Variants in GPC5 observed in about 807,000 individuals in gnomAD.
The protein encoded by GPC5 is glypican-5.
GPC5 carries 47 observed loss-of-function variants against 53.9 expected under a neutral mutation model. The ratio of observed to expected loss-of-function variants is 0.87; its 90% CI spans 0.69 to 1.11. GPC5 has a LOEUF of 1.11. GPC5 is among the 50% of genes most tolerant of loss of function. The pLI, the probability that GPC5 is intolerant of heterozygous loss-of-function variation, is 0.00. For synonymous variants in GPC5, 286 were observed against 263.3 expected, an observed-to-expected ratio of 1.09 and a Z score of -0.84; for missense variants, 748 against 713.1, an observed-to-expected ratio of 1.05 and a Z score of -0.56.
intron 6 of GPC5, among the ~76,000 whole-genome samples, chr13:91,918,472 C>T (rs1002130754): frequency 6.6e-6 from 1 of 152,134 alleles, no homozygotes; most frequent in Non-Finnish European, 1.5e-5. Context: ...AACTCTGATT[C>T]TGAGGGTTTT....
intron 1 of GPC5, among the ~76,000 whole-genome samples, chr13:91,412,365 C>A (rs1272552545): frequency 6.6e-6 from 1 of 152,220 alleles, no homozygotes; most frequent in African/African-American, 2.4e-5. Flanking sequence ...TTCTTGTTCA[C>A]TGCCTTTCTT....
At chr13:91,787,591 C>T (rs200823243) in intron 5 of GPC5, among the ~76,000 whole-genome samples, 3 of 152,116 alleles carry the variant, frequency 2.0e-5, no homozygotes, top group Admixed American at 6.6e-5. Context: ...TCTCCAACAT[C>T]GCTGATTGGG....
intron 7 of GPC5, among the ~76,000 whole-genome samples, chr13:92,716,969 A>G (rs1688383790): frequency 6.6e-6 from 1 of 152,154 alleles, no homozygotes; most frequent in Non-Finnish European, 1.5e-5. Context: ...AAGTGAGGAT[A>G]CTGAAGTTTG....
intron 7 of GPC5, among the ~76,000 whole-genome samples, chr13:92,501,000 G>A (rs1880162991): frequency 1.3e-5 from 2 of 151,788 alleles, no homozygotes; most frequent in Admixed American, 6.6e-5. Flanking sequence ...CAAAAGTGGA[G>A]ATATTTTTCA....
chr13:92,728,629 T>C (rs1888714039), intron 7 of GPC5, among the ~76,000 whole-genome samples: 1 of 151,410 alleles, frequency 6.6e-6, no homozygotes, highest in African/African-American at 2.4e-5. Context: ...ACAGCACTGA[T>C]TGTTATTATT....
At chr13:91,656,194 A>G (rs2034841324) in intron 2 of GPC5, among the ~76,000 whole-genome samples, 1 of 152,192 alleles carries the variant, frequency 6.6e-6, no homozygotes, top group South Asian at 2.1e-4. Flanking sequence ...TAATTAAGGC[A>G]CTTACATTGA....
At chr13:91,580,222 T>C (rs2032308648) in intron 2 of GPC5, among the ~76,000 whole-genome samples, 1 of 152,036 alleles carries the variant, frequency 6.6e-6, no homozygotes, top group Admixed American at 6.5e-5. Context: ...GGCTATTTCT[T>C]TGTATTTTGA....
intron 1 of GPC5, among the ~76,000 whole-genome samples, chr13:91,406,989 T>C (rs1331598875): frequency 5.9e-5 from 9 of 152,248 alleles, no homozygotes; most frequent in African/African-American, 1.9e-4. Context: ...TTCTTTTTAC[T>C]AGACTATAGG....
intron 2 of GPC5, among the ~76,000 whole-genome samples, chr13:91,484,010 G>C (rs1463485689): frequency 6.6e-6 from 1 of 152,106 alleles, no homozygotes; most frequent in Non-Finnish European, 1.5e-5. Flanking sequence ...AGCCAGAATT[G>C]TACAAGCTAT....
rs547545652 is a variant in GPC5 at position 92,032,447 on chromosome 13, A to T, written c.1402-112383A>T. ...CCCAAACCTATGGAAATAAAAATTTAAAAAAAAAAAACAGAAACAAAAACA... is the reference window on the plus strand; with the variant it reads ...CCCAAACCTATGGAAATAAAAATTTTAAAAAAAAAAACAGAAACAAAAACA... On this transcript the variant is annotated intron_variant, in intron 6 of 7. Transcript: ENST00000377067. 1.9e-3 allele frequency among the ~76,000 whole-genome samples: 248 copies of T among 129,516 alleles called. 9 individuals carry two copies. In the South Asian group the frequency reaches 0.046, roughly 24 times the overall value. 85.0% of individuals were successfully genotyped at this position (129,516 alleles called of 152,430 possible).
At chr13:91,865,198 C>A (rs576802810) in intron 5 of GPC5, among the ~76,000 whole-genome samples, 2 of 152,062 alleles carry the variant, frequency 1.3e-5, no homozygotes, top group Admixed American at 6.5e-5. Flanking sequence ...TGTGAGCCAC[C>A]GCACCTGGCC....
intron 2 of GPC5, among the ~76,000 whole-genome samples, chr13:91,672,320 A>C (rs532363798): frequency 5.3e-5 from 8 of 152,296 alleles, no homozygotes; most frequent in Admixed American, 4.6e-4. Flanking sequence ...AATGGGAGAA[A>C]ATTTTTGCAA....
chr13:92,646,930 A>AGTGTGTG (rs1885791804), intron 7 of GPC5, among the ~76,000 whole-genome samples: 2 of 146,588 alleles, frequency 1.4e-5, no homozygotes, highest in Admixed American at 6.9e-5. Flanking sequence ...ATATATAAAC[A>AGTGTGTG]TGTGTGTGTG....
At position 92,838,169 on chromosome 13, in the gene GPC5, C is replaced by T. The variant is rs1463451654; in HGVS notation, c.1562-28113C>T. 5.3e-5 allele frequency among the ~76,000 whole-genome samples: 8 copies of T among 151,882 alleles called. No individual in the cohort carries two copies. In the South Asian group the frequency reaches 1.0e-3, roughly 20 times the overall value. On this transcript the variant is annotated intron_variant, in intron 7 of 7. Coordinates refer to ENST00000377067, the MANE Select transcript of GPC5 (RefSeq NM_004466.6). ...ATTGCTTTAAGGTGGTTAGCTACCA[C>T]CCTACTTTTAGCCCACTGAAAGTAA... is the stretch of plus-strand genomic sequence containing the variant.
chr13:91,542,871 T>C (rs1232083968), intron 2 of GPC5, among the ~76,000 whole-genome samples: 1 of 147,142 alleles, frequency 6.8e-6, no homozygotes, highest in Admixed American at 6.8e-5. Context: ...TTTTTTTTTT[T>C]TTTGAGATGG....
rs1330321639 is a variant in GPC5 at position 91,975,242 on chromosome 13, A to T, written c.1401+67185A>T. Among the ~76,000 whole-genome samples the T allele has an allele frequency of 5.3e-5, 8 of 152,206 alleles. No homozygotes were observed. The South Asian group carries it at 6.2e-4, about 12-fold the overall frequency. ...CTTCATGTCTAAAACACCAAAAGCAATGGCAACAAAAGCCAAAATTGACAA... is the reference window on the plus strand; with the variant it reads ...CTTCATGTCTAAAACACCAAAAGCATTGGCAACAAAAGCCAAAATTGACAA... On this transcript the variant is annotated intron_variant, in intron 6 of 7. Transcript: ENST00000377067.
intron 6 of GPC5, among the ~76,000 whole-genome samples, chr13:92,123,366 A>C (rs1313299683): frequency 1.3e-5 from 2 of 152,210 alleles, no homozygotes; most frequent in Non-Finnish European, 2.9e-5. Flanking sequence ...TATGACATTT[A>C]TAACAGGAGT....
At chr13:92,120,636 T>C (rs2041641655) in intron 6 of GPC5, among the ~76,000 whole-genome samples, 1 of 152,236 alleles carries the variant, frequency 6.6e-6, no homozygotes, top group Non-Finnish European at 1.5e-5. Flanking sequence ...TGTTGATCTG[T>C]TTAGTATATC....
chr13:91,401,856 A>T (rs1034483707), intron 1 of GPC5, among the ~76,000 whole-genome samples: 1 of 152,098 alleles, frequency 6.6e-6, no homozygotes, highest in Non-Finnish European at 1.5e-5. Flanking sequence ...GCTCCTAAGG[A>T]TGTTTGGATG....
Sources: allele counts gnomAD v4.1 joint callset (sites outside exome capture counted in the v4.1 genomes callset), GRCh38; gene constraint gnomAD v4.1.1; transcripts MANE v1.5; gene names NCBI Gene and HGNC (gene_info 2026-07-23, HGNC 2026-07-21).